Variants in TANC1 observed in about 807,000 individuals in gnomAD.
The protein encoded by TANC1 is tetratricopeptide repeat, ankyrin repeat and coiled-coil containing 1.
In TANC1, 77 loss-of-function variants were observed where a neutral mutation model predicts 149.7. The ratio of observed to expected loss-of-function variants is 0.51; its 90% CI spans 0.43 to 0.62. The LOEUF (loss-of-function observed/expected upper bound fraction) is 0.62. Among genes scored for constraint, TANC1 ranks in the 20% least tolerant of loss-of-function variants. TANC1 has a pLI of 0.00. For synonymous variants in TANC1, 854 were observed against 925.0 expected (o/e 0.92, Z 1.39); for missense variants, 1,985 against 2,321.8 (o/e 0.85, Z 2.98).
chr2:159,219,125 ATTTT>A (rs2059529238), intron 20 of TANC1, 109 bp from the exon 21 acceptor site: 4 of 1,420,570 alleles, frequency 2.8e-6, no homozygotes, highest in African/African-American at 1.4e-5. Flanking sequence ...CAACTTACAG[ATTTT>A]TGAAAGAAAG....
intron 4 of TANC1, 144 bp from the exon 5 acceptor site, chr2:159,136,050 G>GTGTGTGTGCGTGCC (rs2050687824): frequency 4.8e-6 from 1 of 208,140 alleles, no homozygotes; most frequent in Admixed American, 8.3e-5. Flanking sequence ...GTGTGTGTGT[G>GTGTGTGTGCGTGCC]CGCGCGCGCG....
intron 3 of TANC1, among the ~76,000 whole-genome samples, chr2:159,071,464 G>C (rs988272837): frequency 3.3e-5 from 5 of 152,118 alleles, no homozygotes; most frequent in African/African-American, 9.7e-5. Flanking sequence ...CACTTGTAAT[G>C]ATGTTAATTA....
intron 1 of TANC1, among the ~76,000 whole-genome samples, chr2:158,983,632 A>G (rs752049336): frequency 6.6e-6 from 1 of 152,110 alleles, no homozygotes; most frequent in Non-Finnish European, 1.5e-5. Context: ...GACTTTTGTA[A>G]TGTTTTGCTT....
intron 10 of TANC1, 72 bp from the exon 11 acceptor site, chr2:159,172,049 T>G: frequency 6.8e-7 from 1 of 1,462,140 alleles, no homozygotes; most frequent in African/African-American, 1.4e-5. Context: ...CTGGCACAAA[T>G]CAAGAAATAT....
chr2:159,070,405 A>G (rs1253511068), intron 3 of TANC1, among the ~76,000 whole-genome samples: 3 of 152,192 alleles, frequency 2.0e-5, no homozygotes, highest in African/African-American at 7.2e-5. Flanking sequence ...ATGAACCTAC[A>G]TTGACACATT....
chr2:159,118,171 G>C (rs940833891), intron 4 of TANC1, among the ~76,000 whole-genome samples: 11 of 152,180 alleles, frequency 7.2e-5, no homozygotes, highest in African/African-American at 2.7e-4. Flanking sequence ...CGTAGTGGGT[G>C]CCAGGTTGCT....
chr2:159,068,097 C>G (rs894212398), intron 3 of TANC1, among the ~76,000 whole-genome samples: 2 of 152,174 alleles, frequency 1.3e-5, no homozygotes, highest in Non-Finnish European at 2.9e-5. Context: ...TTGCTCTTAA[C>G]TATAACCTGG....
intron 3 of TANC1, among the ~76,000 whole-genome samples, chr2:159,075,409 A>C (rs934631251): frequency 6.3e-5 from 7 of 111,072 alleles, no homozygotes; most frequent in Non-Finnish European, 1.2e-4. Context: ...CTATTAAAAA[A>C]AAAAAACAAA....
Position 159,065,980 on chromosome 2 carries a change from G to A in TANC1, c.61+9G>A. On this transcript the variant is annotated intron_variant, in intron 3 of 26. Coordinates refer to ENST00000263635, the MANE Select transcript of TANC1 (RefSeq NM_033394.3). ...AGGCAAGAAGGAAGCAGGTATGTGT[G>A]CAAGAATGAGAAGCTCAGCCATGGA... 6.2e-7 allele frequency: 1 copy of A among 1,608,082 alleles called. No individual in the cohort carries two copies. The highest frequency in any genetic ancestry group is 8.5e-7 in the Non-Finnish European group (1 of 1,174,484).
intron 4 of TANC1, among the ~76,000 whole-genome samples, chr2:159,128,965 T>C (rs1004474018): frequency 6.6e-5 from 10 of 152,204 alleles, no homozygotes; most frequent in Admixed American, 6.5e-4. Flanking sequence ...CTCATCTCTT[T>C]ATTTTCCTCA....
chr2:159,075,573 T>A (rs2043588127), intron 3 of TANC1, among the ~76,000 whole-genome samples: 1 of 152,064 alleles, frequency 6.6e-6, no homozygotes, highest in Non-Finnish European at 1.5e-5. Flanking sequence ...AGTAAGACCT[T>A]GTCTCCACAA....
intron 4 of TANC1, among the ~76,000 whole-genome samples, chr2:159,105,522 G>A (rs1309137858): frequency 1.3e-5 from 2 of 152,008 alleles, no homozygotes; most frequent in East Asian, 3.9e-4. Flanking sequence ...ATATCTCCTT[G>A]GGGTAGCAGG....
chr2:159,181,623 T>C (rs1433571133), intron 14 of TANC1, among the ~76,000 whole-genome samples: 2 of 152,254 alleles, frequency 1.3e-5, no homozygotes, highest in Non-Finnish European at 2.9e-5. Context: ...AAGTTGTTTC[T>C]AAATTACTTA....
intron 22 of TANC1, among the ~76,000 whole-genome samples, chr2:159,223,641 CCA>C (rs1363867359): frequency 1.3e-5 from 2 of 152,174 alleles, no homozygotes; most frequent in Non-Finnish European, 2.9e-5. Flanking sequence ...CCTCTTGTTT[CCA>C]GTTTGGTTCA....
chr2:159,211,067 C>T (rs2058952592), intron 19 of TANC1, among the ~76,000 whole-genome samples: 1 of 152,078 alleles, frequency 6.6e-6, no homozygotes, highest in African/African-American at 2.4e-5. Flanking sequence ...GGCAGGGTTT[C>T]ACCATGTTGG....
At chr2:159,018,003 G>A (rs1186182885) in intron 2 of TANC1, among the ~76,000 whole-genome samples, 1 of 152,168 alleles carries the variant, frequency 6.6e-6, no homozygotes, top group Non-Finnish European at 1.5e-5. Flanking sequence ...GTATGTGTGC[G>A]TTTTGAATAC....
chr2:159,089,763 C>G, intron 3 of TANC1, among the ~76,000 whole-genome samples: 1 of 152,212 alleles, frequency 6.6e-6, no homozygotes, highest in Non-Finnish European at 1.5e-5. Flanking sequence ...CTGTGGCAGG[C>G]TCAGCACTGC....
At chr2:159,139,022 G>A (rs2051076236) in intron 5 of TANC1, among the ~76,000 whole-genome samples, 1 of 152,164 alleles carries the variant, frequency 6.6e-6, no homozygotes, top group Non-Finnish European at 1.5e-5. Context: ...GGAAGTGTGG[G>A]TTCGATGATG....
intron 11 of TANC1, among the ~76,000 whole-genome samples, chr2:159,172,799 G>T (rs17422063): frequency 4.4e-4 from 67 of 152,154 alleles, no homozygotes; most frequent in Non-Finnish European, 9.0e-4. Flanking sequence ...CTCACCAACC[G>T]CACTCCTGCA....
Sources: gnomAD v4.1 joint callset for allele counts (sites outside exome capture counted in the v4.1 genomes callset) on GRCh38, gnomAD v4.1.1 for gene constraint, MANE v1.5 for transcripts, NCBI Gene and HGNC (gene_info 2026-07-23, HGNC 2026-07-21) for gene names.